Variants in PTK2 observed in about 807,000 individuals in gnomAD.
PTK2 encodes the protein focal adhesion kinase 1.
In PTK2, 45 loss-of-function variants were observed where a neutral mutation model predicts 150.1. The ratio of observed to expected loss-of-function variants is 0.30; its 90% CI spans 0.24 to 0.38. PTK2 has a LOEUF of 0.38. PTK2 is among the 10% of genes least tolerant of loss of function. The probability of loss-of-function intolerance (pLI) is 1.00; values close to 1 mark genes in which losing one functional copy is unlikely to be tolerated. For synonymous variants in PTK2, 432 were observed against 449.2 expected (o/e 0.96, Z 0.48); for missense variants, 919 against 1,307.3 (o/e 0.70, Z 4.58).
At chr8:140,919,556 T>C (rs990077065) in intron 2 of PTK2, among the ~76,000 whole-genome samples, 1 of 152,138 alleles carries the variant, frequency 6.6e-6, no homozygotes, top group Non-Finnish European at 1.5e-5. Context: ...GCTAACACAA[T>C]GTTATCATAC....
chr8:140,660,022 A>G (rs2077173239), intron 31 of PTK2, among the ~76,000 whole-genome samples: 1 of 152,100 alleles, frequency 6.6e-6, no homozygotes, highest in Non-Finnish European at 1.5e-5. Context: ...TCATGCATTT[A>G]AACATTTTTT....
chr8:140,863,270 T>C (rs901679274), intron 5 of PTK2, among the ~76,000 whole-genome samples: 2 of 152,206 alleles, frequency 1.3e-5, no homozygotes, highest in African/African-American at 4.8e-5. Flanking sequence ...CTTTCACTTT[T>C]ATTTAATTTC....
intron 17 of PTK2, among the ~76,000 whole-genome samples, chr8:140,751,261 C>G (rs977012438): frequency 1.3e-5 from 2 of 152,166 alleles, no homozygotes; most frequent in African/African-American, 4.8e-5. Flanking sequence ...ATGGGCCTCC[C>G]AGGCTCAAGT....
At chr8:140,981,460 T>C (rs937856621) in intron 1 of PTK2, among the ~76,000 whole-genome samples, 2 of 152,122 alleles carry the variant, frequency 1.3e-5, no homozygotes, top group Non-Finnish European at 2.9e-5. Flanking sequence ...TTCAAGGGCA[T>C]GGGAAAATCC....
chr8:140,849,547 A>G (rs1466227050), intron 5 of PTK2, among the ~76,000 whole-genome samples: 4 of 152,246 alleles, frequency 2.6e-5, no homozygotes, highest in Non-Finnish European at 1.5e-5. Flanking sequence ...CACCATGTCA[A>G]GCAGATTTAC....
chr8:140,996,905 A>G (rs1006312553), intron 1 of PTK2, among the ~76,000 whole-genome samples: 3 of 152,350 alleles, frequency 2.0e-5, no homozygotes, highest in East Asian at 1.9e-4. Flanking sequence ...AGTCTTAAAT[A>G]TATTTCATAA....
intron 13 of PTK2, 48 bp downstream of exon 13, chr8:140,793,306 A>T: frequency 6.3e-7 from 1 of 1,581,932 alleles, no homozygotes; most frequent in South Asian, 1.2e-5. Context: ...AAATTTCCTT[A>T]AACTTTCCAA....
rs187530559 is a variant in PTK2 at position 140,710,074 on chromosome 8, A to G, written c.2143-3869T>C. Among the ~76,000 whole-genome samples the G allele has an allele frequency of 4.5e-3, 679 of 152,274 alleles. 4 individuals are homozygous for G. Among genetic ancestry groups the G allele is most frequent in the African/African-American group, 0.015 (644 of 41,552 alleles). ...CATGTCTGTAATCTCAGCACTTTGGAAGGCTGAGGCAGGCAGATTGCTTTG... is the reference window on the plus strand; with the variant it reads ...CATGTCTGTAATCTCAGCACTTTGGGAGGCTGAGGCAGGCAGATTGCTTTG... On this transcript the variant is annotated intron_variant, in intron 23 of 31. Transcript: ENST00000522684.
rs114647572 is a variant in PTK2 at position 140,896,059 on chromosome 8, A to T, written c.-32-5290T>A. Among the ~76,000 whole-genome samples, 658 of 152,324 alleles carry T rather than the reference A, an allele frequency of 4.3e-3. 4 individuals are homozygous for T. The highest frequency in any genetic ancestry group is 0.015 in the African/African-American group (627 of 41,574). ...GAGGTAAGAGATAATGAGTAATACAATAAGGGATTATTAATAACTATGCCA... is the reference window on the plus strand; with the variant it reads ...GAGGTAAGAGATAATGAGTAATACATTAAGGGATTATTAATAACTATGCCA... On this transcript the variant is annotated intron_variant, in intron 2 of 31. Coordinates refer to ENST00000522684, the Ensembl canonical transcript of PTK2.
intron 1 of PTK2, among the ~76,000 whole-genome samples, chr8:140,946,994 A>G (rs942842148): frequency 3.1e-4 from 47 of 152,208 alleles, no homozygotes; most frequent in African/African-American, 1.1e-3. Flanking sequence ...TCATGATTCA[A>G]TACAAATATT....
intron 24 of PTK2, 136 bp from the exon 28 acceptor site, chr8:140,702,843 T>TA (rs529767851): frequency 2.0e-6 from 2 of 984,870 alleles, no homozygotes; most frequent in South Asian, 3.6e-5. Context: ...ACCCATGTTC[T>TA]AATCCCTTGA....
chr8:140,934,438 T>A (rs1451946269), intron 1 of PTK2: 1 of 140,080 alleles, frequency 7.1e-6, no homozygotes, highest in East Asian at 1.9e-4. Context: ...AATAAAAAAA[T>A]AAATTTTTTT....
intron 10 of PTK2, among the ~76,000 whole-genome samples, chr8:140,810,788 T>C (rs2100101054): frequency 6.6e-6 from 1 of 152,052 alleles, no homozygotes; most frequent in Non-Finnish European, 1.5e-5. Context: ...ATGTCAACAT[T>C]ATCCCAAGAG....
At chr8:140,817,571 A>G (rs1156292631) in intron 10 of PTK2, among the ~76,000 whole-genome samples, 2 of 152,128 alleles carry the variant, frequency 1.3e-5, no homozygotes, top group African/African-American at 4.8e-5. Flanking sequence ...ACACTGTTCT[A>G]CTTTTCATCT....
At chr8:140,879,271 T>A (rs757877352) in intron 4 of PTK2, 200 bp downstream of exon 4, 28 of 488,352 alleles carry the variant, frequency 5.7e-5, no homozygotes, top group Middle Eastern at 5.3e-4. Context: ...TGGCTCAAAG[T>A]ATAATTAATA....
chr8:140,988,355 ATAAGACT>A (rs1384813185), intron 1 of PTK2, among the ~76,000 whole-genome samples: 1 of 152,212 alleles, frequency 6.6e-6, no homozygotes, highest in Non-Finnish European at 1.5e-5. Flanking sequence ...CCACAATGAG[ATAAGACT>A]TATTATAAAG....
chr8:140,725,418 G>A (rs895748610), intron 22 of PTK2, among the ~76,000 whole-genome samples: 1 of 152,234 alleles, frequency 6.6e-6, no homozygotes, highest in African/African-American at 2.4e-5. Flanking sequence ...GACAGCATGG[G>A]AGAGCAACCA....
chr8:140,726,651 C>G (rs2100046017), intron 22 of PTK2, among the ~76,000 whole-genome samples: 1 of 152,048 alleles, frequency 6.6e-6, no homozygotes, highest in Non-Finnish European at 1.5e-5. Flanking sequence ...ACCCAAAATT[C>G]CTATCAACAA....
intron 5 of PTK2, among the ~76,000 whole-genome samples, chr8:140,851,808 G>A (rs573632385): frequency 1.1e-4 from 16 of 150,904 alleles, no homozygotes; most frequent in East Asian, 3.9e-4. Context: ...GCAGTGAGCC[G>A]AGATCATGCC....
Sources: allele counts gnomAD v4.1 joint callset (sites outside exome capture counted in the v4.1 genomes callset), GRCh38; gene constraint gnomAD v4.1.1; transcripts MANE v1.5; gene names NCBI Gene and HGNC (gene_info 2026-07-23, HGNC 2026-07-21).